VPS13A: variants seen among roughly 807,000 people sequenced by gnomAD.
VPS13A encodes the protein vacuolar protein sorting 13 homolog A, also known as intermembrane lipid transfer protein VPS13A.
VPS13A carries 264 observed loss-of-function variants against 390.9 expected under a neutral mutation model. The observed-to-expected ratio is 0.68, with a 90% CI of 0.61 to 0.75. VPS13A has a LOEUF of 0.75. Ranked by LOEUF, VPS13A falls within the 30% of genes least tolerant of loss-of-function variation. The pLI is 0.00. For synonymous variants in VPS13A, 1,231 were observed against 1,227.1 expected, an observed-to-expected ratio of 1.00 and a Z score of -0.07; for missense variants, 3,409 against 3,733.9, an observed-to-expected ratio of 0.91 and a Z score of 2.27.
At chr9:77,296,627 G>A (rs1204002387) in intron 33 of VPS13A, among the ~76,000 whole-genome samples, 1 of 151,912 alleles carries the variant, frequency 6.6e-6, no homozygotes, top group Non-Finnish European at 1.5e-5. Flanking sequence ...TATTTTTAAA[G>A]CAGCTTTATT....
rs1047455649 is a variant in VPS13A, at chr9:77,416,547, T to C, written c.*541T>C. ...AATATTTTGATATTATTTTCCTTTT[T>C]AATATAAAGGATAGGTTTGAATTGT... is the stretch of plus-strand genomic sequence containing the variant. On this transcript the variant is annotated 3_prime_UTR_variant, in exon 72 of 72. Transcript: ENST00000360280. 2 of 154,230 alleles carry C rather than the reference T, an allele frequency of 1.3e-5. No individual in the cohort carries two copies. The highest frequency in any genetic ancestry group is 4.8e-5 in the African/African-American group (2 of 41,446). The allele number at this position is 154,230 out of a possible 1,614,324, so 9.6% of individuals were successfully genotyped here.
chr9:77,353,355 G>C, intron 53 of VPS13A, 54 bp from the exon 54 acceptor site: 1 of 1,368,602 alleles, frequency 7.3e-7, no homozygotes, highest in South Asian at 1.3e-5. Context: ...CATGTTCTTT[G>C]GGACCAAATT....
At chr9:77,342,094 T>G (rs955207741) in intron 50 of VPS13A, among the ~76,000 whole-genome samples, 1 of 152,100 alleles carries the variant, frequency 6.6e-6, no homozygotes, top group Admixed American at 6.5e-5. Flanking sequence ...TGGAGTGACA[T>G]TTGAACAGTG....
At chr9:77,193,332 G>A (rs1041050316) in intron 1 of VPS13A, among the ~76,000 whole-genome samples, 1 of 151,990 alleles carries the variant, frequency 6.6e-6, no homozygotes, top group African/African-American at 2.4e-5. Context: ...TCATTTCAGT[G>A]TGATTAAGAA....
chr9:77,342,245 G>A (rs1456012512), intron 50 of VPS13A, among the ~76,000 whole-genome samples: 1 of 152,142 alleles, frequency 6.6e-6, no homozygotes, highest in South Asian at 2.1e-4. Flanking sequence ...TACTGTGATA[G>A]TACAGATTGA....
chr9:77,316,900 G>C (rs1169282346), intron 39 of VPS13A, among the ~76,000 whole-genome samples: 1 of 151,740 alleles, frequency 6.6e-6, no homozygotes, highest in Non-Finnish European at 1.5e-5. Context: ...GTAACCTCTT[G>C]GCCTTCCTCC....
intron 65 of VPS13A, 134 bp from the exon 66 acceptor site, chr9:77,370,751 TAAATA>T: frequency 7.2e-7 from 1 of 1,392,614 alleles, no homozygotes; most frequent in Non-Finnish European, 9.9e-7. Context: ...ACATTCTGTT[TAAATA>T]AAATACTTAG....
intron 19 of VPS13A, among the ~76,000 whole-genome samples, chr9:77,244,435 A>G (rs1824689334): frequency 6.6e-6 from 1 of 152,100 alleles, no homozygotes; most frequent in South Asian, 2.1e-4. Flanking sequence ...CTTTCTGGAA[A>G]TCCATCCTCT....
At chr9:77,208,452 T>C (rs995969727) in intron 5 of VPS13A, among the ~76,000 whole-genome samples, 3 of 152,166 alleles carry the variant, frequency 2.0e-5, no homozygotes, top group African/African-American at 7.2e-5. Context: ...ATAGCTTTCA[T>C]TGGCATTTTT....
intron 41 of VPS13A, 37 bp downstream of exon 41, chr9:77,318,628 TAC>T: frequency 6.9e-7 from 1 of 1,445,826 alleles, no homozygotes; most frequent in South Asian, 1.1e-5. Context: ...CAGATAATGA[TAC>T]GTATGGAATA....
At chr9:77,260,904 A>ATT (rs1290711848) in intron 23 of VPS13A, among the ~76,000 whole-genome samples, 4 of 144,196 alleles carry the variant, frequency 2.8e-5, no homozygotes, top group East Asian at 2.0e-4. Flanking sequence ...GTATATATTC[A>ATT]TTTTTTTTTT....
At chr9:77,345,265 T>C (rs1430720642) in intron 52 of VPS13A, 123 bp downstream of exon 52, 31 of 1,101,034 alleles carry the variant, frequency 2.8e-5, no homozygotes, top group Middle Eastern at 2.6e-4. Flanking sequence ...TGTAAAACAG[T>C]GTTCCATTAA....
chr9:77,257,213 A>G (rs1825497848), intron 22 of VPS13A, among the ~76,000 whole-genome samples: 1 of 151,952 alleles, frequency 6.6e-6, no homozygotes, highest in African/African-American at 2.4e-5. Context: ...AATATCCTCA[A>G]GTTATAACAG....
chr9:77,310,930 T>A (rs949987491), intron 35 of VPS13A, among the ~76,000 whole-genome samples: 1 of 145,024 alleles, frequency 6.9e-6, no homozygotes, highest in Non-Finnish European at 1.5e-5. Flanking sequence ...CTTTCACTAA[T>A]TTTTTTTTTT....
intron 4 of VPS13A, among the ~76,000 whole-genome samples, chr9:77,205,623 G>T (rs563237008): frequency 1.0e-3 from 155 of 151,162 alleles, no homozygotes; most frequent in Non-Finnish European, 1.6e-3. Flanking sequence ...ATGGAGTCTC[G>T]CACTGTCACC....
intron 23 of VPS13A, among the ~76,000 whole-genome samples, chr9:77,267,115 T>C (rs990978397): frequency 6.6e-6 from 1 of 152,114 alleles, no homozygotes; most frequent in Non-Finnish European, 1.5e-5. Context: ...AACATACTGC[T>C]TTAGCTCAGA....
rs1831894263 is a variant in VPS13A at position 77,357,712 on chromosome 9, T to G, written c.7827T>G (p.Gly2609=). Residue 2609 remains glycine (G), a synonymous_variant, in exon 56 of 72, where the codon GGT becomes GGG. Transcript: ENST00000360280. ...TNVPVRLTPT[G]HNMKILQPHV... ...TTCAGGTTCGCCTAACCCCTACTGG[T>G]CATAACATGAAAATTCTGCAGCCGC... is the stretch of plus-strand genomic sequence containing the variant. 6.2e-7 allele frequency: 1 copy of G among 1,613,868 alleles called. No individual in the cohort carries two copies.
chr9:77,282,376 A>G, intron 29 of VPS13A, 102 bp downstream of exon 29: 1 of 1,134,328 alleles, frequency 8.8e-7, no homozygotes, highest in East Asian at 2.6e-5. Flanking sequence ...TATTGGCTTC[A>G]GAATTCTGTT....
chr9:77,368,938 A>T (rs1214813072), intron 62 of VPS13A, among the ~76,000 whole-genome samples: 1 of 152,162 alleles, frequency 6.6e-6, no homozygotes, highest in Non-Finnish European at 1.5e-5. Flanking sequence ...GTTCGAGACC[A>T]CCCTGGCCAA....
Sources: gnomAD v4.1 joint callset for allele counts (sites outside exome capture counted in the v4.1 genomes callset) on GRCh38, gnomAD v4.1.1 for gene constraint, MANE v1.5 for transcripts, NCBI Gene and HGNC (gene_info 2026-07-23, HGNC 2026-07-21) for gene names.